CSMD1: variants seen among roughly 807,000 people sequenced by gnomAD.
The protein encoded by CSMD1 is CUB and sushi domain-containing protein 1.
Under a neutral mutation model 417.5 loss-of-function variants are expected in CSMD1, and 213 were observed. The observed-to-expected ratio is 0.51, with a 90% CI of 0.46 to 0.57. The LOEUF is 0.57. CSMD1 is among the 20% of genes least tolerant of loss of function. CSMD1 has a pLI of 0.00. For missense variants in CSMD1, 6,923 were observed against 4,529.7 expected, an observed-to-expected ratio of 1.53 and a Z score of -15.17; for synonymous variants, 2,862 against 1,736.8, an observed-to-expected ratio of 1.65 and a Z score of -16.11.
At chr8:3,791,416 C>A (rs1203929101) in intron 5 of CSMD1, among the ~76,000 whole-genome samples, 2 of 152,132 alleles carry the variant, frequency 1.3e-5, no homozygotes, top group Non-Finnish European at 2.9e-5. Flanking sequence ...TCTTAAAATT[C>A]CTCTGTATTT....
At chr8:4,892,038 A>C (rs1206219843) in intron 1 of CSMD1, among the ~76,000 whole-genome samples, 2 of 152,134 alleles carry the variant, frequency 1.3e-5, no homozygotes, top group Non-Finnish European at 2.9e-5. Context: ...CACCAGATGT[A>C]GAAATAAACA....
chr8:4,435,237 G>A (rs538455610), intron 2 of CSMD1, among the ~76,000 whole-genome samples: 3 of 152,010 alleles, frequency 2.0e-5, no homozygotes, highest in African/African-American at 4.8e-5. Flanking sequence ...ATTAAACCTT[G>A]AAAAAAATGT....
chr8:3,279,429 A>T (rs912589571), intron 26 of CSMD1, among the ~76,000 whole-genome samples: 1 of 152,216 alleles, frequency 6.6e-6, no homozygotes, highest in Non-Finnish European at 1.5e-5. Flanking sequence ...CTTTTATTTT[A>T]CAGCCCTGAT....
At chr8:4,261,961 T>C (rs1015005328) in intron 3 of CSMD1, among the ~76,000 whole-genome samples, 3 of 152,026 alleles carry the variant, frequency 2.0e-5, no homozygotes, top group Non-Finnish European at 2.9e-5. Context: ...AGAAAAAAAA[T>C]TAAAACCTGA....
rs188964446 is a variant in CSMD1, at chr8:4,429,122, T to A, written c.303-9057A>T. On this transcript the variant is annotated intron_variant, in intron 2 of 69. Transcript: ENST00000635120. ...ATGATTACTACTGGTAATCAGTTTTTTTCTATGAAAACTGATATATAATTG... is the reference window on the plus strand; with the variant it reads ...ATGATTACTACTGGTAATCAGTTTTATTCTATGAAAACTGATATATAATTG... 2.4e-4 allele frequency among the ~76,000 whole-genome samples: 36 copies of A among 151,792 alleles called. No homozygotes were observed. In the East Asian group the frequency reaches 7.0e-3, roughly 29 times the overall value.
intron 25 of CSMD1, among the ~76,000 whole-genome samples, chr8:3,299,214 G>T (rs1463107265): frequency 6.6e-6 from 1 of 152,190 alleles, no homozygotes; most frequent in Non-Finnish European, 1.5e-5. Flanking sequence ...TATTTTGGGA[G>T]GCCGAGGTGG....
chr8:4,669,322 C>A (rs1805146387), intron 1 of CSMD1, among the ~76,000 whole-genome samples: 1 of 152,166 alleles, frequency 6.6e-6, no homozygotes, highest in South Asian at 2.1e-4. Flanking sequence ...TAGCTCTACC[C>A]AGAAGGTACA....
rs189725062 is a variant in CSMD1 at position 3,279,925 on chromosome 8, C to G, written c.4153+4219G>C. 4.1e-3 allele frequency among the ~76,000 whole-genome samples: 630 copies of G among 152,304 alleles called. 2 individuals carry two copies. Among genetic ancestry groups the G allele is most frequent in the Middle Eastern group, 0.014 (4 of 294 alleles). On this transcript the variant is annotated intron_variant, in intron 26 of 69. Transcript: ENST00000635120. ...TGACACATATGGATTATGAGCATTA[C>G]AATTCAAGGTGAGATTTGGGTGGGG...
intron 5 of CSMD1, among the ~76,000 whole-genome samples, chr8:3,889,351 A>G (rs554562535): frequency 2.7e-4 from 41 of 150,696 alleles, no homozygotes; most frequent in African/African-American, 9.7e-4. Flanking sequence ...ATGGTACTAA[A>G]ACAAATTTTG....
intron 1 of CSMD1, among the ~76,000 whole-genome samples, chr8:4,951,081 T>G (rs1808715810): frequency 6.6e-6 from 1 of 152,120 alleles, no homozygotes; most frequent in Non-Finnish European, 1.5e-5. Context: ...AAATGAAGAA[T>G]GAGATTTAGA....
intron 12 of CSMD1, among the ~76,000 whole-genome samples, chr8:3,445,879 G>C (rs1440149287): frequency 2.7e-5 from 4 of 149,612 alleles, no homozygotes; most frequent in East Asian, 3.8e-4. Context: ...TATAGAAATA[G>C]CAAAAGCGTA....
chr8:3,204,869 A>G (rs975196660), intron 31 of CSMD1, among the ~76,000 whole-genome samples: 21 of 152,346 alleles, frequency 1.4e-4, no homozygotes, highest in African/African-American at 4.3e-4. Flanking sequence ...GATCCAAGAT[A>G]AATTGTCCTG....
rs1585689263 is a variant in CSMD1 at position 3,218,606 on chromosome 8, T to A, written c.4672+649A>T. On this transcript the variant is annotated intron_variant, in intron 29 of 69. Coordinates refer to ENST00000635120, the MANE Select transcript of CSMD1 (RefSeq NM_033225.6). ...ATTATTTTTGGCTGGGCACGGTGAC[T>A]CACGTCTATAATCACAGCACTTTGG... Among the ~76,000 whole-genome samples, 7 of 149,754 alleles carry A rather than the reference T, an allele frequency of 4.7e-5. No homozygotes were observed. The South Asian group carries it at 1.5e-3, about 32-fold the overall frequency.
At chr8:4,810,663 T>C (rs1464196420) in intron 1 of CSMD1, among the ~76,000 whole-genome samples, 3 of 152,216 alleles carry the variant, frequency 2.0e-5, no homozygotes, top group Non-Finnish European at 4.4e-5. Context: ...ATAGAAAATT[T>C]CATAGAAACT....
At position 2,973,946 on chromosome 8, in the gene CSMD1, A is replaced by G. The variant is rs868854043; in HGVS notation, c.8740+505T>C. Among the ~76,000 whole-genome samples, 371 of 123,700 alleles carry G rather than the reference A, an allele frequency of 3.0e-3. 5 individuals carry two copies. Among genetic ancestry groups the G allele is most frequent in the African/African-American group, 7.5e-3 (182 of 24,142 alleles). The allele number at this position is 123,700 out of a possible 152,430, so 81.2% of individuals were successfully genotyped here. On this transcript the variant is annotated intron_variant, in intron 56 of 69. Coordinates refer to ENST00000635120, the MANE Select transcript of CSMD1 (RefSeq NM_033225.6). ...TGGTAGAGGATGGTGGTAGAGGATG[A>G]TGGTAGAGGATGATGGTAGAGGATG...
intron 12 of CSMD1, among the ~76,000 whole-genome samples, chr8:3,427,276 C>T (rs1480464393): frequency 6.6e-6 from 1 of 152,120 alleles, no homozygotes; most frequent in African/African-American, 2.4e-5. Context: ...TACTTCATCG[C>T]AAACCACAAA....
chr8:4,473,620 T>C (rs985539466), intron 2 of CSMD1, among the ~76,000 whole-genome samples: 2 of 152,170 alleles, frequency 1.3e-5, no homozygotes, highest in African/African-American at 4.8e-5. Context: ...TCACTTTACC[T>C]AAACTTGGGG....
At chr8:3,408,653 T>C (rs1812496818) in intron 13 of CSMD1, among the ~76,000 whole-genome samples, 1 of 152,164 alleles carries the variant, frequency 6.6e-6, no homozygotes, top group East Asian at 1.9e-4. Flanking sequence ...TGAGTGCATT[T>C]TCTCCAGTAA....
intron 7 of CSMD1, among the ~76,000 whole-genome samples, chr8:3,636,647 G>A (rs916798053): frequency 5.9e-5 from 9 of 152,118 alleles, no homozygotes; most frequent in Admixed American, 2.6e-4. Context: ...AAATCATGAC[G>A]CAGAGATGCT....
Sources: gnomAD v4.1 joint callset for allele counts (sites outside exome capture counted in the v4.1 genomes callset) on GRCh38, gnomAD v4.1.1 for gene constraint, MANE v1.5 for transcripts, NCBI Gene and HGNC (gene_info 2026-07-23, HGNC 2026-07-21) for gene names.